The following RNASE11 variants were observed in gnomAD, a reference collection of about 807,000 sequenced individuals.
The protein encoded by RNASE11 is ribonuclease A family member 11 (inactive), also known as putative inactive ribonuclease 11.
For missense variants in RNASE11, 252 were observed against 237.8 expected, an observed-to-expected ratio of 1.06 and a Z score of -0.39; for synonymous variants, 105 against 86.1, an observed-to-expected ratio of 1.22 and a Z score of -1.21.
chr14:20,589,935 A>G (rs1423192412), upstream of RNASE11, among the ~76,000 whole-genome samples: 1 of 152,166 alleles, frequency 6.6e-6, no homozygotes, highest in African/African-American at 2.4e-5. Flanking sequence ...CATCTAGGTT[A>G]CTAGGTTTTT....
chr14:20,584,013 T>C, exon 2 of RNASE11: 1 of 1,614,198 alleles, frequency 6.2e-7, no homozygotes, highest in South Asian at 1.1e-5. Context: ...ACACTGTATT[T>C]TCCAGTTCTA....
At position 20,583,789 on chromosome 14, in the gene RNASE11, A is replaced by G. The variant is rs1884362685; in HGVS notation, c.*86T>C. On this transcript the variant is annotated 3_prime_UTR_variant, in exon 2 of 2. Transcript: ENST00000553849. ...TCAGGAGTTCACTATAGTGCTAAAG[A>G]GTAGATATTAAGGAAAGGTTTAAAC... 1.1e-5 allele frequency: 15 copies of G among 1,383,820 alleles called. 1 individual carries two copies. In the South Asian group the frequency reaches 2.1e-4, roughly 19 times the overall value. The allele number at this position is 1,383,820 out of a possible 1,614,324, so 85.7% of individuals were successfully genotyped here. A position where few individuals can be genotyped will look rare whatever the true frequency, so the allele number is the denominator to read the frequency against.
upstream of RNASE11, among the ~76,000 whole-genome samples, chr14:20,588,889 C>T (rs553306571): frequency 5.9e-5 from 9 of 152,142 alleles, no homozygotes; most frequent in South Asian, 1.0e-3. Flanking sequence ...CAGGTTCAAG[C>T]GCTCCTCCTG....
chr14:20,589,323 C>T (rs1174331123), upstream of RNASE11, among the ~76,000 whole-genome samples: 1 of 150,468 alleles, frequency 6.6e-6, no homozygotes, highest in African/African-American at 2.5e-5. Flanking sequence ...GGCGCGATCT[C>T]GGCTCACTGC....
intron 1 of RNASE11, among the ~76,000 whole-genome samples, chr14:20,584,802 A>G (rs1002957161): frequency 3.9e-5 from 6 of 152,332 alleles, no homozygotes; most frequent in East Asian, 3.9e-4. Flanking sequence ...TTTGTTTCTT[A>G]TCCTTTTCCC....
exon 2 of RNASE11, chr14:20,584,279 T>A: frequency 6.2e-7 from 1 of 1,614,248 alleles, no homozygotes; most frequent in Non-Finnish European, 8.5e-7. Flanking sequence ...TCCTTGGACA[T>A]GCTGAGGCTG....
chr14:20,586,339 G>A (rs78792054), intron 1 of RNASE11, among the ~76,000 whole-genome samples: 5,043 of 152,160 alleles, frequency 0.033, 271 homozygotes, highest in African/African-American at 0.12. Context: ...TATTTTACAT[G>A]TTTCATCACC....
chr14:20,590,220 G>T, upstream of RNASE11: 1 of 1,585,034 alleles, frequency 6.3e-7, no homozygotes, highest in Non-Finnish European at 8.6e-7. Context: ...TCTGCCTCAG[G>T]CACAGCCAGC....
intron 1 of RNASE11, 119 bp from the exon 3 acceptor site, chr14:20,584,615 G>C: frequency 1.4e-6 from 1 of 704,478 alleles, no homozygotes; most frequent in South Asian, 2.3e-5. Flanking sequence ...TTTTATATCT[G>C]TGAATGGAAC....
upstream of RNASE11, among the ~76,000 whole-genome samples, chr14:20,589,765 T>C (rs889097493): frequency 6.6e-6 from 1 of 151,996 alleles, no homozygotes; most frequent in Non-Finnish European, 1.5e-5. Context: ...CACATGCCTG[T>C]AATCCCAGCT....
At chr14:20,585,197 G>T (rs919506937) in intron 1 of RNASE11, 2 of 456,552 alleles carry the variant, frequency 4.4e-6, no homozygotes, top group Non-Finnish European at 2.9e-6. Flanking sequence ...AGACCACGTG[G>T]AACCAAGGAA....
At chr14:20,584,153 A>C (rs1254807180) in exon 2 of RNASE11, 1 of 1,614,070 alleles carries the variant, frequency 6.2e-7, no homozygotes, top group Non-Finnish European at 8.5e-7. Context: ...TTTGCTTCTG[A>C]AACTTTTCTC....
exon 2 of RNASE11, chr14:20,584,278 A>G (rs1884382952): frequency 6.2e-7 from 1 of 1,614,206 alleles, no homozygotes. Flanking sequence ...ATCCTTGGAC[A>G]TGCTGAGGCT....
exon 2 of RNASE11, chr14:20,584,274 G>A (rs777709202): frequency 6.2e-7 from 1 of 1,614,142 alleles, no homozygotes; most frequent in Admixed American, 1.7e-5. Flanking sequence ...TATCATCCTT[G>A]GACATGCTGA....
chr14:20,586,382 C>T (rs1415715328), intron 1 of RNASE11, among the ~76,000 whole-genome samples: 1 of 152,030 alleles, frequency 6.6e-6, no homozygotes, highest in Admixed American at 6.6e-5. Flanking sequence ...TCCAACTTCT[C>T]TGAACTTCTT....
At chr14:20,587,716 T>G (rs1344673968) in exon 1 of RNASE11, 31 of 985,056 alleles carry the variant, frequency 3.1e-5, no homozygotes, top group Non-Finnish European at 3.7e-5. Context: ...GAAGAAGCCA[T>G]GAGATGAGTA....
At chr14:20,590,145 G>A (rs1022674775), upstream of RNASE11, 2 of 1,455,524 alleles carry the variant, frequency 1.4e-6, no homozygotes, top group Non-Finnish European at 1.8e-6. Context: ...AATACAGGAA[G>A]GATAAATTAA....
intron 1 of RNASE11, among the ~76,000 whole-genome samples, chr14:20,586,337 A>G (rs1341572612): frequency 6.6e-6 from 1 of 152,124 alleles, no homozygotes; most frequent in African/African-American, 2.4e-5. Context: ...TTTATTTTAC[A>G]TGTTTCATCA....
chr14:20,585,397 T>C (rs570763619), intron 1 of RNASE11, among the ~76,000 whole-genome samples: 1 of 152,370 alleles, frequency 6.6e-6, no homozygotes, highest in South Asian at 2.1e-4. Flanking sequence ...TTTTTCATTT[T>C]TCCAGTTAGT....
Sources: gnomAD v4.1 joint callset for allele counts (sites outside exome capture counted in the v4.1 genomes callset) on GRCh38, gnomAD v4.1.1 for gene constraint, MANE v1.5 for transcripts, NCBI Gene and HGNC (gene_info 2026-07-23, HGNC 2026-07-21) for gene names.